Variants in ENTREP2 observed in about 807,000 individuals in gnomAD.
ENTREP2 encodes endosomal transmembrane epsin interactor 2.
the ENTREP2 span, among the ~76,000 whole-genome samples, chr15:29,624,754 A>C: frequency 3.9e-5 from 6 of 152,304 alleles, no homozygotes; most frequent in East Asian, 1.2e-3. Flanking sequence ...TACTTCCTCC[A>C]GTGGTGACAT....
chr15:29,163,015 C>T, the ENTREP2 span, among the ~76,000 whole-genome samples: 11 of 152,186 alleles, frequency 7.2e-5, no homozygotes, highest in South Asian at 6.2e-4. Context: ...AGAACCAGCC[C>T]GGAGCTGGGC....
At chr15:29,562,877 A>G in the ENTREP2 span, among the ~76,000 whole-genome samples, 1 of 151,670 alleles carries the variant, frequency 6.6e-6, no homozygotes, top group Non-Finnish European at 1.5e-5. Context: ...TGTGGCCTCA[A>G]CCTCCCAGAC....
At chr15:29,225,653 G>A in the ENTREP2 span, among the ~76,000 whole-genome samples, 1 of 152,220 alleles carries the variant, frequency 6.6e-6, no homozygotes, top group African/African-American at 2.4e-5. Flanking sequence ...CAGGTGCAAA[G>A]TCAGTGGAGA....
At chr15:29,581,365 G>A in the ENTREP2 span, among the ~76,000 whole-genome samples, 260 of 152,252 alleles carry the variant, frequency 1.7e-3, 2 homozygotes, top group African/African-American at 6.1e-3. Flanking sequence ...ATACCAGAAA[G>A]ACATAACCAC....
the ENTREP2 span, among the ~76,000 whole-genome samples, chr15:29,564,250 G>T: frequency 1.3e-5 from 2 of 152,224 alleles, no homozygotes; most frequent in African/African-American, 4.8e-5. Flanking sequence ...AGCTCAGAAA[G>T]ATCTCTTGCC....
the ENTREP2 span, among the ~76,000 whole-genome samples, chr15:29,256,093 C>T: frequency 1.3e-5 from 2 of 151,294 alleles, no homozygotes; most frequent in African/African-American, 4.9e-5. Flanking sequence ...ACAAACAAAA[C>T]CAAATACTAT....
chr15:29,516,203 C>T, the ENTREP2 span, among the ~76,000 whole-genome samples: 2 of 152,056 alleles, frequency 1.3e-5, no homozygotes, highest in South Asian at 2.1e-4. Flanking sequence ...GGGGTTCTAA[C>T]ATGCAGCCAA....
At chr15:29,635,229 T>C in the ENTREP2 span, among the ~76,000 whole-genome samples, 26 of 152,306 alleles carry the variant, frequency 1.7e-4, 1 homozygote, top group Admixed American at 1.6e-3. Context: ...GGGGTTGGGC[T>C]GAAAGTCCTA....
chr15:29,376,076 G>A, the ENTREP2 span: 5 of 151,814 alleles, frequency 3.3e-5, no homozygotes, highest in Admixed American at 1.3e-4. Context: ...TCTTAAAGTA[G>A]ATTTACTTTG....
At chr15:29,351,435 G>T in the ENTREP2 span, among the ~76,000 whole-genome samples, 1 of 152,128 alleles carries the variant, frequency 6.6e-6, no homozygotes, top group Admixed American at 6.5e-5. Flanking sequence ...AATAACAGGT[G>T]TGTGATCAAT....
At chr15:29,562,649 T>C in the ENTREP2 span, among the ~76,000 whole-genome samples, 1 of 152,238 alleles carries the variant, frequency 6.6e-6, no homozygotes, top group African/African-American at 2.4e-5. Flanking sequence ...TTTCATTGTT[T>C]ATTAGCATAG....
chr15:29,257,006 T>C, the ENTREP2 span, among the ~76,000 whole-genome samples: 3 of 151,922 alleles, frequency 2.0e-5, no homozygotes, highest in Non-Finnish European at 4.4e-5. Context: ...AACTGCCTAA[T>C]ACTTCATGGC....
chr15:29,281,004 G>C, the ENTREP2 span, among the ~76,000 whole-genome samples: 1 of 152,188 alleles, frequency 6.6e-6, no homozygotes, highest in Admixed American at 6.5e-5. Context: ...AAATTTTCTT[G>C]AGCTGTTCAA....
At chr15:29,524,407 C>T in the ENTREP2 span, among the ~76,000 whole-genome samples, 2 of 152,184 alleles carry the variant, frequency 1.3e-5, no homozygotes, top group African/African-American at 4.8e-5. Context: ...AACCCCCACA[C>T]ATTGTTGGTA....
the ENTREP2 span, among the ~76,000 whole-genome samples, chr15:29,607,819 GAT>G: frequency 7.0e-6 from 1 of 143,098 alleles, no homozygotes; most frequent in Admixed American, 6.8e-5. Context: ...TAGATAGATA[GAT>G]AGATAGACAG....
chr15:29,453,730 A>G, the ENTREP2 span, among the ~76,000 whole-genome samples: 1 of 152,180 alleles, frequency 6.6e-6, no homozygotes, highest in Non-Finnish European at 1.5e-5. Context: ...TTTTTTGTAC[A>G]TGCACATTGT....
the ENTREP2 span, among the ~76,000 whole-genome samples, chr15:29,621,107 C>T: frequency 4.0e-5 from 6 of 151,838 alleles, no homozygotes; most frequent in Admixed American, 3.3e-4. Flanking sequence ...TGTAAGGGGG[C>T]GGCCAGGCGC....
At chr15:29,532,295 T>C in the ENTREP2 span, among the ~76,000 whole-genome samples, 118 of 152,370 alleles carry the variant, frequency 7.7e-4, no homozygotes, top group South Asian at 4.3e-3. Flanking sequence ...CTTTGAAATA[T>C]ATTTTACACA....
At chr15:29,130,360 A>G in the ENTREP2 span, among the ~76,000 whole-genome samples, 1 of 152,164 alleles carries the variant, frequency 6.6e-6, no homozygotes, top group African/African-American at 2.4e-5. Context: ...TTATGTGCCA[A>G]TAACCAGTCC....
Sources: gnomAD v4.1 joint callset for allele counts (sites outside exome capture counted in the v4.1 genomes callset) on GRCh38, gnomAD v4.1.1 for gene constraint, MANE v1.5 for transcripts, NCBI Gene and HGNC (gene_info 2026-07-23, HGNC 2026-07-21) for gene names.